Variants in CSMD1 observed in about 807,000 individuals in gnomAD.
CSMD1 encodes CUB and sushi domain-containing protein 1.
A neutral mutation model predicts 417.5 loss-of-function variants in CSMD1; 213 were observed. That is an observed-to-expected ratio of 0.51 (90% confidence interval 0.46 to 0.57). CSMD1 has a LOEUF of 0.57. Among genes scored for constraint, CSMD1 ranks in the 20% least tolerant of loss-of-function variants. The probability of loss-of-function intolerance (pLI) is 0.00; values close to 1 mark genes in which losing one functional copy is unlikely to be tolerated. For synonymous variants in CSMD1, 2,862 were observed against 1,736.8 expected, an observed-to-expected ratio of 1.65 and a Z score of -16.11; for missense variants, 6,923 against 4,529.7, an observed-to-expected ratio of 1.53 and a Z score of -15.17.
chr8:3,475,237 T>G (rs1459748228), intron 11 of CSMD1, among the ~76,000 whole-genome samples: 5 of 152,158 alleles, frequency 3.3e-5, no homozygotes, highest in Admixed American at 2.6e-4. Context: ...GCAATTCAGT[T>G]TCACAGAAAA....
At chr8:4,724,190 G>A (rs1460778788) in intron 1 of CSMD1, among the ~76,000 whole-genome samples, 1 of 151,986 alleles carries the variant, frequency 6.6e-6, no homozygotes, top group Non-Finnish European at 1.5e-5. Flanking sequence ...TGAGTTTTAT[G>A]ATAATAATTA....
At chr8:4,234,229 GC>G (rs1412740308) in intron 3 of CSMD1, among the ~76,000 whole-genome samples, 1 of 152,184 alleles carries the variant, frequency 6.6e-6, no homozygotes, top group Non-Finnish European at 1.5e-5. Context: ...AGCGAAGGCT[GC>G]CACCAGACTA....
chr8:3,270,392 A>T (rs950129615), intron 26 of CSMD1, among the ~76,000 whole-genome samples: 1 of 152,104 alleles, frequency 6.6e-6, no homozygotes, highest in African/African-American at 2.4e-5. Context: ...TGCTGCCTCA[A>T]GATTATTTTA....
chr8:3,004,511 A>G (rs1807704002), intron 52 of CSMD1, among the ~76,000 whole-genome samples: 1 of 152,206 alleles, frequency 6.6e-6, no homozygotes, highest in Non-Finnish European at 1.5e-5. Context: ...TGAGAAGCAA[A>G]TGGTTGAAGA....
intron 2 of CSMD1, among the ~76,000 whole-genome samples, chr8:4,433,435 C>A (rs1458790960): frequency 2.6e-5 from 4 of 152,096 alleles, no homozygotes; most frequent in Non-Finnish European, 5.9e-5. Context: ...GAATAGGGCA[C>A]ATTAAAGGCA....
chr8:3,839,497 A>AAT (rs911732876), intron 5 of CSMD1, among the ~76,000 whole-genome samples: 1 of 59,614 alleles, frequency 1.7e-5, no homozygotes, highest in African/African-American at 4.9e-5. Context: ...TTTATATATT[A>AAT]ATATATATAT....
chr8:4,042,792 A>G (rs374009184), intron 3 of CSMD1, among the ~76,000 whole-genome samples: 29 of 142,126 alleles, frequency 2.0e-4, no homozygotes, highest in African/African-American at 6.7e-4. Flanking sequence ...TCGCTATACA[A>G]TAGGTGAAGT....
intron 2 of CSMD1, among the ~76,000 whole-genome samples, chr8:4,583,098 C>G (rs1021461144): frequency 6.6e-6 from 1 of 152,240 alleles, no homozygotes; most frequent in African/African-American, 2.4e-5. Flanking sequence ...GCCCGCCGTG[C>G]CTGAGCCTCC....
chr8:4,403,943 C>G (rs1804833427), intron 3 of CSMD1, among the ~76,000 whole-genome samples: 2 of 152,204 alleles, frequency 1.3e-5, no homozygotes, highest in East Asian at 1.9e-4. Context: ...TTGAAGTGTC[C>G]TCTTTCAAAA....
chr8:4,501,556 G>A (rs11994504), intron 2 of CSMD1, among the ~76,000 whole-genome samples: 11,819 of 152,098 alleles, frequency 0.078, 500 homozygotes, highest in African/African-American at 0.11. Context: ...GTCAACTGTG[G>A]TCCACTGAGG....
In CSMD1 at chr8:4,093,865, C is replaced by T. The variant is rs572407010; in HGVS notation, c.416-61766G>A. Reference sequence around the variant, plus strand: ...AATCCCAGCAATCGGGAGGCTGAGGCAGGAGAATCACTTGAACGCAGGAGG... The same window carrying T: ...AATCCCAGCAATCGGGAGGCTGAGGTAGGAGAATCACTTGAACGCAGGAGG... On this transcript the variant is annotated intron_variant, in intron 3 of 69. Transcript: ENST00000635120. 5.3e-5 allele frequency among the ~76,000 whole-genome samples: 8 copies of T among 152,120 alleles called. No homozygotes were observed. The South Asian group carries it at 1.7e-3, about 32-fold the overall frequency.
chr8:3,958,516 A>G (rs940444614), intron 5 of CSMD1, among the ~76,000 whole-genome samples: 4 of 152,174 alleles, frequency 2.6e-5, no homozygotes, highest in Admixed American at 2.6e-4. Context: ...TTAGAAATGC[A>G]TTCTTCTGGG....
chr8:3,631,386 G>C (rs1043555372), intron 7 of CSMD1, among the ~76,000 whole-genome samples: 1 of 152,214 alleles, frequency 6.6e-6, no homozygotes, highest in African/African-American at 2.4e-5. Context: ...GGTAGTCAGT[G>C]ACTGGAGTAG....
chr8:3,507,826 A>G (rs1021877651), intron 10 of CSMD1, among the ~76,000 whole-genome samples: 5 of 151,958 alleles, frequency 3.3e-5, no homozygotes, highest in African/African-American at 1.2e-4. Flanking sequence ...ATCTGTTCAT[A>G]TCCTTTGCCC....
chr8:4,783,078 T>C (rs536100240), intron 1 of CSMD1, among the ~76,000 whole-genome samples: 5 of 152,168 alleles, frequency 3.3e-5, no homozygotes, highest in East Asian at 1.9e-4. Context: ...CAATAAATGA[T>C]TGTAAAATCA....
intron 65 of CSMD1, among the ~76,000 whole-genome samples, chr8:2,952,969 C>T (rs1028928401): frequency 2.0e-5 from 3 of 152,122 alleles, no homozygotes; most frequent in Admixed American, 2.0e-4. Flanking sequence ...TAGAATGTAC[C>T]ACCATGATGA....
intron 10 of CSMD1, among the ~76,000 whole-genome samples, chr8:3,540,983 G>T (rs972439875): frequency 1.3e-5 from 2 of 152,170 alleles, no homozygotes; most frequent in South Asian, 2.1e-4. Flanking sequence ...ATTCCTCAAA[G>T]ATCTAGAACC....
intron 1 of CSMD1, among the ~76,000 whole-genome samples, chr8:4,840,709 T>C (rs1157861072): frequency 6.6e-6 from 1 of 152,186 alleles, no homozygotes; most frequent in African/African-American, 2.4e-5. Flanking sequence ...GACAACTTTT[T>C]TATCTTCTGA....
chr8:2,987,736 G>T (rs1427748816), intron 54 of CSMD1, among the ~76,000 whole-genome samples: 1 of 152,190 alleles, frequency 6.6e-6, no homozygotes, highest in African/African-American at 2.4e-5. Flanking sequence ...TCTGTGCCAG[G>T]GGACACACCC....
Sources: allele counts gnomAD v4.1 joint callset (sites outside exome capture counted in the v4.1 genomes callset), GRCh38; gene constraint gnomAD v4.1.1; transcripts MANE v1.5; gene names NCBI Gene and HGNC (gene_info 2026-07-23, HGNC 2026-07-21).